IRAK3: variants seen among roughly 807,000 people sequenced by gnomAD.
IRAK3 encodes interleukin-1 receptor-associated kinase 3.
In IRAK3, 57 loss-of-function variants were observed where a neutral mutation model predicts 56.6. The observed-to-expected ratio is 1.01, with a 90% CI of 0.81 to 1.26. The LOEUF is 1.26. IRAK3 is among the 50% of genes most tolerant of loss of function. The pLI, the probability that IRAK3 is intolerant of heterozygous loss-of-function variation, is 0.00. For synonymous variants in IRAK3, 258 were observed against 255.7 expected (o/e 1.01, Z -0.09); for missense variants, 703 against 719.0 (o/e 0.98, Z 0.25).
intron 7 of IRAK3, 37 bp from the exon 8 acceptor site, chr12:66,228,215 G>T: frequency 1.4e-6 from 2 of 1,475,968 alleles, no homozygotes; most frequent in Non-Finnish European, 1.9e-6. Flanking sequence ...TTTTTACTCA[G>T]AAAGTGCAAC....
chr12:66,217,829 C>T (rs1281621065), intron 6 of IRAK3, among the ~76,000 whole-genome samples: 1 of 151,746 alleles, frequency 6.6e-6, no homozygotes, highest in African/African-American at 2.4e-5. Context: ...TTTTTTTAAC[C>T]AAGATGTGAA....
intron 6 of IRAK3, among the ~76,000 whole-genome samples, chr12:66,220,576 A>C (rs890351811): frequency 8.6e-6 from 1 of 116,196 alleles, no homozygotes; most frequent in Non-Finnish European, 1.6e-5. Context: ...GCTGGAGTGC[A>C]GTGGCGGGAT....
intron 6 of IRAK3, among the ~76,000 whole-genome samples, chr12:66,219,191 T>C (rs955714909): frequency 6.6e-6 from 1 of 152,192 alleles, no homozygotes; most frequent in Admixed American, 6.5e-5. Context: ...GAGATACTGA[T>C]TTTATTTCTT....
intron 8 of IRAK3, among the ~76,000 whole-genome samples, chr12:66,231,786 G>A (rs140372508): frequency 3.5e-4 from 54 of 152,314 alleles, no homozygotes; most frequent in African/African-American, 1.2e-3. Context: ...AATAAGATAA[G>A]GTGAGACTAC....
intron 5 of IRAK3, among the ~76,000 whole-genome samples, chr12:66,213,431 A>T (rs912524351): frequency 1.5e-4 from 23 of 152,204 alleles, no homozygotes; most frequent in Non-Finnish European, 2.8e-4. Context: ...GAAAAGGAGG[A>T]ACAATTGAGA....
At chr12:66,226,617 C>T in intron 6 of IRAK3, 106 bp from the exon 7 acceptor site, 1 of 732,468 alleles carries the variant, frequency 1.4e-6, no homozygotes, top group East Asian at 2.6e-5. Context: ...TTATATTCCG[C>T]TTTAGGCCTA....
intron 5 of IRAK3, among the ~76,000 whole-genome samples, chr12:66,214,292 G>A (rs1371335025): frequency 6.6e-6 from 1 of 151,968 alleles, no homozygotes; most frequent in Non-Finnish European, 1.5e-5. Context: ...GGGAGGCTGA[G>A]GTGGGCGGAT....
intron 1 of IRAK3, among the ~76,000 whole-genome samples, chr12:66,194,656 C>A (rs1020710298): frequency 2.0e-5 from 3 of 151,848 alleles, no homozygotes; most frequent in African/African-American, 7.3e-5. Flanking sequence ...GGTGAAACCC[C>A]GTCTCTACTA....
At chr12:66,238,642 G>A (rs1387581658) in intron 8 of IRAK3, among the ~76,000 whole-genome samples, 1 of 152,184 alleles carries the variant, frequency 6.6e-6, no homozygotes, top group East Asian at 1.9e-4. Context: ...AGAAGCAAGA[G>A]GCATTGAAGA....
At chr12:66,219,700 C>A (rs974091071) in intron 6 of IRAK3, among the ~76,000 whole-genome samples, 1 of 152,168 alleles carries the variant, frequency 6.6e-6, no homozygotes, top group Admixed American at 6.5e-5. Context: ...TCTCCATACC[C>A]TCAGCAACTC....
At chr12:66,191,884 C>G (rs1014094324) in intron 1 of IRAK3, among the ~76,000 whole-genome samples, 6 of 152,294 alleles carry the variant, frequency 3.9e-5, no homozygotes, top group Middle Eastern at 3.4e-3. Context: ...AAAGCTCTCT[C>G]GAGCCGATCG....
rs1420348645 is a variant in IRAK3 at position 66,254,450 on chromosome 12, T to C, written c.*6279T>C. On this transcript the variant is annotated 3_prime_UTR_variant, in exon 12 of 12. Coordinates refer to ENST00000261233, the MANE Select transcript of IRAK3 (RefSeq NM_007199.3). ...AGCTCATTTATAACATTGAATATTT[T>C]AAGATAATGTATGTTTCATAGAGAG... 1 of 152,190 alleles carries C rather than the reference T, an allele frequency of 6.6e-6. No homozygotes were observed. The highest frequency in any genetic ancestry group is 1.5e-5 in the Non-Finnish European group (1 of 68,006). The allele number at this position is 152,190 out of a possible 1,614,324, so 9.4% of individuals were successfully genotyped here.
chr12:66,204,541 A>G (rs1317960210), intron 2 of IRAK3, among the ~76,000 whole-genome samples: 5 of 152,068 alleles, frequency 3.3e-5, no homozygotes, highest in South Asian at 2.1e-4. Context: ...AGTTTTCTCC[A>G]TTTATTCTTT....
At chr12:66,191,621 G>T (rs1157651579) in intron 1 of IRAK3, among the ~76,000 whole-genome samples, 1 of 152,190 alleles carries the variant, frequency 6.6e-6, no homozygotes, top group African/African-American at 2.4e-5. Context: ...TGCTGCACAA[G>T]TTCTTGGCTC....
chr12:66,214,233 C>T (rs182556101), intron 5 of IRAK3, among the ~76,000 whole-genome samples: 5 of 151,944 alleles, frequency 3.3e-5, no homozygotes, highest in Non-Finnish European at 7.4e-5. Context: ...CAAGAGCTAG[C>T]TGGAGGCAGG....
intron 8 of IRAK3, among the ~76,000 whole-genome samples, chr12:66,237,018 C>G (rs968284073): frequency 2.6e-5 from 4 of 152,092 alleles, no homozygotes; most frequent in African/African-American, 9.7e-5. Flanking sequence ...TTGTCCCTGT[C>G]TCTCATCACT....
intron 8 of IRAK3, among the ~76,000 whole-genome samples, chr12:66,228,891 G>GGAT (rs1278665099): frequency 6.6e-6 from 1 of 152,124 alleles, no homozygotes; most frequent in East Asian, 1.9e-4. Context: ...ACATAGGCTG[G>GGAT]GCTAAGCTGG....
At chr12:66,222,670 A>AT (rs2052746228) in intron 6 of IRAK3, among the ~76,000 whole-genome samples, 1 of 152,038 alleles carries the variant, frequency 6.6e-6, no homozygotes, top group Non-Finnish European at 1.5e-5. Context: ...TTCCTTACCT[A>AT]TTTTTTAAAA....
At chr12:66,197,113 T>C (rs2052461967) in intron 1 of IRAK3, 2 of 1,310,078 alleles carry the variant, frequency 1.5e-6, no homozygotes, top group Non-Finnish European at 1.9e-6. Context: ...ACTTCTTAGG[T>C]TGACTTTTTG....
Sources: allele counts gnomAD v4.1 joint callset (sites outside exome capture counted in the v4.1 genomes callset), GRCh38; gene constraint gnomAD v4.1.1; transcripts MANE v1.5; gene names NCBI Gene and HGNC (gene_info 2026-07-23, HGNC 2026-07-21).